Variants in NAV3 observed in about 807,000 individuals in gnomAD.
NAV3 encodes the protein pore membrane and/or filament interacting like protein 1.
NAV3 carries 87 observed loss-of-function variants against 244.7 expected under a neutral mutation model. The ratio of observed to expected loss-of-function variants is 0.36; its 90% confidence interval spans 0.30 to 0.42. NAV3 has a LOEUF of 0.42. Among genes scored for constraint, NAV3 ranks in the 20% least tolerant of loss-of-function variants. NAV3 has a pLI of 1.00. For synonymous variants in NAV3, 1,126 were observed against 1,042.2 expected (o/e 1.08, Z -1.55); for missense variants, 2,663 against 2,893.3 (o/e 0.92, Z 1.83).
intron 3 of NAV3, among the ~76,000 whole-genome samples, chr12:77,952,794 C>T (rs1258859293): frequency 6.6e-6 from 1 of 152,058 alleles, no homozygotes; most frequent in Non-Finnish European, 1.5e-5. Flanking sequence ...GGGATATAAA[C>T]TCTCGTGAAA....
At chr12:77,710,674 A>C (rs1876065597) in intron 2 of NAV3, among the ~76,000 whole-genome samples, 1 of 152,190 alleles carries the variant, frequency 6.6e-6, no homozygotes. Context: ...AAGTCATGGA[A>C]GAGTATCTCA....
At chr12:77,591,911 A>G (rs1869923352) in intron 2 of NAV3, among the ~76,000 whole-genome samples, 1 of 152,208 alleles carries the variant, frequency 6.6e-6, no homozygotes, top group African/African-American at 2.4e-5. Context: ...AATGTTACAA[A>G]TTTCTGAGAT....
intron 6 of NAV3, among the ~76,000 whole-genome samples, chr12:77,995,854 C>T (rs187154204): frequency 2.6e-5 from 4 of 152,162 alleles, no homozygotes; most frequent in Admixed American, 2.6e-4. Context: ...TTTATTACTC[C>T]TTCTAAGACT....
chr12:78,134,468 A>T (rs948050087), intron 18 of NAV3, among the ~76,000 whole-genome samples: 4 of 152,192 alleles, frequency 2.6e-5, no homozygotes, highest in Non-Finnish European at 4.4e-5. Context: ...ATATATCCAG[A>T]TTCTACAAAA....
In NAV3 at chr12:77,632,916, T is replaced by C. The variant is rs535381880; in HGVS notation, c.72+60650T>C. 1.1e-4 allele frequency among the ~76,000 whole-genome samples: 17 copies of C among 152,320 alleles called. No individual in the cohort carries two copies. The South Asian group carries it at 3.1e-3, about 28-fold the overall frequency. ...TACTAATGTTTAGCCTTGTGCCTGA[T>C]AGGTACCTAGAAATGTTAACTATTA... is the stretch of plus-strand genomic sequence containing the variant. On this transcript the variant is annotated intron_variant, in intron 2 of 8. Transcript: ENST00000550042.
At chr12:77,788,732 G>C (rs1201887294) in intron 2 of NAV3, among the ~76,000 whole-genome samples, 1 of 150,798 alleles carries the variant, frequency 6.6e-6, no homozygotes, top group Non-Finnish European at 1.5e-5. Context: ...TGAGTACTGC[G>C]GTCATGTTGG....
At chr12:78,098,661 A>T (rs570053192) in intron 12 of NAV3, among the ~76,000 whole-genome samples, 1 of 151,978 alleles carries the variant, frequency 6.6e-6, no homozygotes, top group East Asian at 1.9e-4. Context: ...CTATACATAA[A>T]AATATCGTTA....
chr12:77,573,773 G>A (rs1445619684), intron 2 of NAV3, among the ~76,000 whole-genome samples: 1 of 152,150 alleles, frequency 6.6e-6, no homozygotes, highest in African/African-American at 2.4e-5. Flanking sequence ...ATTAATTACA[G>A]GGTTATAATT....
chr12:77,642,730 G>T (rs889101633), intron 2 of NAV3, among the ~76,000 whole-genome samples: 1 of 151,966 alleles, frequency 6.6e-6, no homozygotes, highest in Non-Finnish European at 1.5e-5. Context: ...AGTTGACAAA[G>T]AAATTTGATC....
Position 78,153,790 on chromosome 12 carries a change from G to T in NAV3, c.4785+4871G>T, listed in dbSNP as rs536557303. Among the ~76,000 whole-genome samples, 10 of 151,836 alleles carry T rather than the reference G, an allele frequency of 6.6e-5. No individual in the cohort carries two copies. The South Asian group carries it at 2.1e-3, about 32-fold the overall frequency. On this transcript the variant is annotated intron_variant, in intron 22 of 39. Transcript: ENST00000397909. ...TTTTGAGATTGTGTTCTACTTCTTTGCTTATTTAATATTTTCATAAAATTT... is the reference window on the plus strand; with the variant it reads ...TTTTGAGATTGTGTTCTACTTCTTTTCTTATTTAATATTTTCATAAAATTT...
intron 1 of NAV3, among the ~76,000 whole-genome samples, chr12:77,873,679 G>GTGTATATATATATATATATATA (rs540390004): frequency 9.3e-6 from 1 of 107,308 alleles, no homozygotes; most frequent in Non-Finnish European, 1.9e-5. Flanking sequence ...ATTTGTATGT[G>GTGTATATATATATATATATATA]TATATATATA....
At chr12:78,018,551 G>C (rs1404032506) in intron 8 of NAV3, among the ~76,000 whole-genome samples, 1 of 152,140 alleles carries the variant, frequency 6.6e-6, no homozygotes, top group African/African-American at 2.4e-5. Context: ...GACAGCTGTT[G>C]GTCTTGTTCT....
At chr12:77,630,561 T>A (rs1871847347) in intron 2 of NAV3, among the ~76,000 whole-genome samples, 1 of 152,154 alleles carries the variant, frequency 6.6e-6, no homozygotes, top group Non-Finnish European at 1.5e-5. Flanking sequence ...CTTCTCCTCC[T>A]CCCCAGTACC....
At chr12:77,616,355 G>A (rs78330035) in intron 2 of NAV3, among the ~76,000 whole-genome samples, 3,255 of 151,326 alleles carry the variant, frequency 0.022, 73 homozygotes, top group East Asian at 0.11. Context: ...GCAGTGAGCC[G>A]AGATCACACC....
At chr12:77,796,297 G>A (rs1565817177) in intron 2 of NAV3, among the ~76,000 whole-genome samples, 1 of 152,150 alleles carries the variant, frequency 6.6e-6, no homozygotes, top group Non-Finnish European at 1.5e-5. Context: ...CTTCAGCAGA[G>A]TAAATAACTG....
intron 20 of NAV3, among the ~76,000 whole-genome samples, chr12:78,143,939 G>A (rs903515081): frequency 6.6e-6 from 1 of 152,036 alleles, no homozygotes; most frequent in Non-Finnish European, 1.5e-5. Context: ...TTGTGCTGTT[G>A]CTTTCCTCAT....
intron 2 of NAV3, among the ~76,000 whole-genome samples, chr12:77,750,022 T>C (rs1329270419): frequency 1.3e-5 from 2 of 152,174 alleles, no homozygotes; most frequent in East Asian, 3.9e-4. Flanking sequence ...CAAGTTATTT[T>C]AATACAGTAT....
At chr12:78,110,690 TA>T (rs1279216029) in intron 12 of NAV3, among the ~76,000 whole-genome samples, 48 of 23,710 alleles carry the variant, frequency 2.0e-3, no homozygotes, top group South Asian at 1.8e-3. Flanking sequence ...TATATATATA[TA>T]TAGTGTGTGT....
chr12:77,803,381 G>A (rs989759631), intron 2 of NAV3, among the ~76,000 whole-genome samples: 1 of 152,102 alleles, frequency 6.6e-6, no homozygotes, highest in Non-Finnish European at 1.5e-5. Flanking sequence ...TGTGGTGTTT[G>A]GTTTCCTGTT....
Sources: gnomAD v4.1 joint callset for allele counts (sites outside exome capture counted in the v4.1 genomes callset) on GRCh38, gnomAD v4.1.1 for gene constraint, MANE v1.5 for transcripts, NCBI Gene and HGNC (gene_info 2026-07-23, HGNC 2026-07-21) for gene names.